Variants in HGSNAT observed in about 807,000 individuals in gnomAD.
The protein encoded by HGSNAT is transmembrane protein 76.
A neutral mutation model predicts 85.2 loss-of-function variants in HGSNAT; 59 were observed. That is an observed-to-expected ratio of 0.69 (90% CI 0.56 to 0.86). The LOEUF is 0.86. Ranked by LOEUF, HGSNAT falls within the 40% of genes least tolerant of loss-of-function variation. The probability of loss-of-function intolerance (pLI) is 0.00; values close to 1 mark genes in which losing one functional copy is unlikely to be tolerated. For missense variants in HGSNAT, 756 were observed against 777.1 expected (o/e 0.97, Z 0.32); for synonymous variants, 321 against 304.5 (o/e 1.05, Z -0.56).
intron 2 of HGSNAT, among the ~76,000 whole-genome samples, chr8:43,149,792 C>A (rs1025092336): frequency 6.6e-6 from 1 of 151,734 alleles, no homozygotes; most frequent in Non-Finnish European, 1.5e-5. Context: ...TAACTTCATA[C>A]ATTTAGTAAA....
intron 11 of HGSNAT, among the ~76,000 whole-genome samples, 185 bp from the exon 12 acceptor site, chr8:43,191,289 G>C (rs1473570553): frequency 6.6e-5 from 10 of 152,202 alleles, no homozygotes; most frequent in Non-Finnish European, 1.5e-5. Flanking sequence ...TCTTTTGAAT[G>C]GGTGTTTTGC....
chr8:43,168,779 A>G (rs1415559772), intron 5 of HGSNAT, among the ~76,000 whole-genome samples: 3 of 152,172 alleles, frequency 2.0e-5, no homozygotes, highest in Non-Finnish European at 2.9e-5. Flanking sequence ...ATCACATCCT[A>G]TCACACAGCT....
chr8:43,185,985 A>C (rs1389994520), intron 11 of HGSNAT, among the ~76,000 whole-genome samples: 1 of 152,188 alleles, frequency 6.6e-6, no homozygotes, highest in Non-Finnish European at 1.5e-5. Context: ...CCAGGAATGA[A>C]GCCGACTTGA....
At position 43,143,791 on chromosome 8, in the gene HGSNAT, C is replaced by T. The variant is rs753924665; in HGVS notation, c.119-3157C>T. Among the ~76,000 whole-genome samples, 66 of 151,768 alleles carry T rather than the reference C, an allele frequency of 4.3e-4. 1 individual carries two copies. The highest frequency in any genetic ancestry group is 3.4e-3 in the Middle Eastern group (1 of 294). On this transcript the variant is annotated intron_variant, in intron 1 of 17. Transcript: ENST00000379644. ...TCAATCCCCTGACCTCATGATCCAC[C>T]CTCCTTAGCCTCCCAAACTGCTGGG...
intron 5 of HGSNAT, among the ~76,000 whole-genome samples, chr8:43,168,384 C>CTTTTTTTTTTTT (rs34270087): frequency 1.4e-5 from 1 of 70,224 alleles, no homozygotes; most frequent in African/African-American, 6.6e-5. Flanking sequence ...AATAGTTGAT[C>CTTTTTTTTTTTT]TTTTTTTTTT....
intron 1 of HGSNAT, among the ~76,000 whole-genome samples, chr8:43,140,970 C>T (rs1306707544): frequency 1.3e-5 from 2 of 152,184 alleles, no homozygotes; most frequent in Non-Finnish European, 2.9e-5. Context: ...AGCCAGGAGG[C>T]GGGCCAGCCG....
At chr8:43,184,295 C>T (rs1804233075) in intron 11 of HGSNAT, among the ~76,000 whole-genome samples, 1 of 152,080 alleles carries the variant, frequency 6.6e-6, no homozygotes, top group Admixed American at 6.5e-5. Flanking sequence ...TCTCCAGCAC[C>T]TGTTGTTTCC....
rs768117824 is a variant in HGSNAT at position 43,140,624 on chromosome 8, C to A, written c.118+10C>A. 1.4e-5 allele frequency: 17 copies of A among 1,203,926 alleles called. No individual in the cohort carries two copies. In the East Asian group the frequency reaches 5.0e-4, roughly 36 times the overall value. 74.6% of individuals were successfully genotyped at this position (1,203,926 alleles called of 1,614,324 possible). On this transcript the variant is annotated intron_variant, in intron 1 of 17. Transcript: ENST00000379644. Reference sequence around the variant, plus strand: ...GCCGCGCCGCCACGAGGTGAGTGCACACCTCCTACCGCCGCCCGGCCGGCT... The same window carrying A: ...GCCGCGCCGCCACGAGGTGAGTGCAAACCTCCTACCGCCGCCCGGCCGGCT...
intron 2 of HGSNAT, among the ~76,000 whole-genome samples, chr8:43,151,398 T>C (rs565941048): frequency 1.3e-5 from 2 of 152,210 alleles, no homozygotes; most frequent in East Asian, 3.9e-4. Flanking sequence ...TCCTTGGGAG[T>C]GTTTCGTGAC....
chr8:43,161,366 G>A, intron 4 of HGSNAT, 72 bp from the exon 5 acceptor site: 1 of 1,203,194 alleles, frequency 8.3e-7, no homozygotes, highest in Non-Finnish European at 1.2e-6. Context: ...ATAGATAAAT[G>A]TAATGATGTG....
At chr8:43,177,764 A>G (rs940838811) in intron 9 of HGSNAT, among the ~76,000 whole-genome samples, 3 of 152,150 alleles carry the variant, frequency 2.0e-5, no homozygotes, top group Admixed American at 2.0e-4. Context: ...TTATTTGAAG[A>G]CATTACTGTG....
intron 6 of HGSNAT, among the ~76,000 whole-genome samples, chr8:43,170,202 C>G (rs968510792): frequency 1.3e-5 from 2 of 152,184 alleles, no homozygotes; most frequent in African/African-American, 4.8e-5. Flanking sequence ...AAAATTGATG[C>G]CGGTTGCGGT....
Position 43,178,093 on chromosome 8 carries a change from T to A in HGSNAT, c.871T>A (p.Ser291Thr), listed in dbSNP as rs757722259. 1.2e-6 allele frequency: 2 copies of A among 1,612,978 alleles called. No homozygotes were observed. The highest frequency in any genetic ancestry group is 1.7e-6 in the Non-Finnish European group (2 of 1,179,506). ...VFPWFVFIMG[S>T]SIFLSMTSIL... ...TTTTAGGTTTGTATTTATTATGGGA[T>A]CTTCCATTTTTCTATCGATGACTTC... is the stretch of plus-strand genomic sequence containing the variant. The change falls in exon 10 of 18, where the codon TCT becomes ACT. Residue 291 changes from serine (S) to threonine (T), a missense_variant. Ser to Thr is a moderately conservative substitution (Grantham distance 58). Coordinates refer to ENST00000379644, the MANE Select transcript of HGSNAT (RefSeq NM_152419.3).
Position 43,140,670 on chromosome 8 carries a change from C to A in HGSNAT, c.118+56C>A. 3.4e-6 allele frequency: 3 copies of A among 877,372 alleles called. No homozygotes were observed. The Admixed American group carries it at 1.4e-4, about 41-fold the overall frequency. The allele number at this position is 877,372 out of a possible 1,614,324, so 54.3% of individuals were successfully genotyped here. A position where few individuals can be genotyped will look rare whatever the true frequency, so the allele number is the denominator to read the frequency against. The stretch of plus-strand genomic sequence containing the variant: ...CGGCTACGAGCGCAGCGTCTCCTCT[C>A]CGCGGCGCCGCCCCTATCTCCGTGC... On this transcript the variant is annotated intron_variant, in intron 1 of 17. Coordinates refer to ENST00000379644, the MANE Select transcript of HGSNAT (RefSeq NM_152419.3).
At chr8:43,146,852 T>G (rs1443931556) in intron 1 of HGSNAT, 96 bp from the exon 2 acceptor site, 4 of 679,804 alleles carry the variant, frequency 5.9e-6, no homozygotes, top group Non-Finnish European at 9.9e-6. Context: ...TGAGAAGCAC[T>G]ACTGGAAGCA....
In HGSNAT at chr8:43,201,870, G is replaced by A. The variant is rs1804927042; in HGVS notation, c.*2301G>A. ...ATAAATATTTAAGTGCTGGTAAGAT[G>A]AGCATGTATCCGGGGTGCCCATGAA... On this transcript the variant is annotated 3_prime_UTR_variant, in exon 18 of 18. Transcript: ENST00000379644. This position sits in a 1 kb window ranked among gnomAD's most constrained non-coding sequence, Gnocchi z 4.4. The A allele has an allele frequency of 6.6e-6, 1 of 152,204 alleles. No individual in the cohort carries two copies. Among genetic ancestry groups the A allele is most frequent in the Admixed American group, 6.5e-5 (1 of 15,280 alleles). 9.4% of individuals were successfully genotyped at this position (152,204 alleles called of 1,614,324 possible).
At chr8:43,178,530 G>A (rs945729388) in intron 10 of HGSNAT, among the ~76,000 whole-genome samples, 2 of 151,584 alleles carry the variant, frequency 1.3e-5, no homozygotes, top group South Asian at 4.2e-4. Context: ...AGGCACAGCA[G>A]GGACCAGACC....
chr8:43,197,595 T>A (rs913776656), intron 15 of HGSNAT, 77 bp from the exon 16 acceptor site: 10 of 992,224 alleles, frequency 1.0e-5, no homozygotes, highest in Non-Finnish European at 1.6e-5. Flanking sequence ...AAATAACTAA[T>A]ATATATTGGT....
intron 1 of HGSNAT, among the ~76,000 whole-genome samples, chr8:43,140,888 G>C (rs934284210): frequency 2.6e-5 from 4 of 152,188 alleles, no homozygotes; most frequent in African/African-American, 9.6e-5. Context: ...CCACCCCAGC[G>C]GAGCCTGCGT....
Sources: allele counts gnomAD v4.1 joint callset (sites outside exome capture counted in the v4.1 genomes callset), GRCh38; gene constraint gnomAD v4.1.1; non-coding constraint Gnocchi (gnomAD v3.1); transcripts MANE v1.5; gene names NCBI Gene and HGNC (gene_info 2026-07-23, HGNC 2026-07-21).